Variants in ARHGAP42 observed in about 807,000 individuals in gnomAD.
ARHGAP42 encodes the protein Rho GTPase activating protein 42, also known as rho GTPase-activating protein 42.
ARHGAP42 carries 63 observed loss-of-function variants against 125.0 expected under a neutral mutation model. That is an observed-to-expected ratio of 0.50 (90% CI 0.41 to 0.62). The LOEUF (loss-of-function observed/expected upper bound fraction) is 0.62, where lower values mean the gene tolerates loss of function less well. Ranked by LOEUF, ARHGAP42 falls within the 20% of genes least tolerant of loss-of-function variation. ARHGAP42 has a pLI of 0.00. For synonymous variants in ARHGAP42, 339 were observed against 351.0 expected (o/e 0.97, Z 0.38); for missense variants, 766 against 1,024.2 (o/e 0.75, Z 3.44).
chr11:100,774,895 G>A (rs138560742), intron 2 of ARHGAP42, among the ~76,000 whole-genome samples: 8 of 152,112 alleles, frequency 5.3e-5, no homozygotes, highest in Admixed American at 1.3e-4. Flanking sequence ...TTTGTTTTGC[G>A]CCAGTGACAC....
At chr11:100,818,735 T>C (rs1464206917) in intron 3 of ARHGAP42, among the ~76,000 whole-genome samples, 2 of 152,182 alleles carry the variant, frequency 1.3e-5, no homozygotes, top group East Asian at 3.9e-4. Context: ...TTCGAAGTGG[T>C]ACGGTGTATT....
chr11:100,946,521 C>G (rs934222853), intron 10 of ARHGAP42, among the ~76,000 whole-genome samples: 7 of 151,930 alleles, frequency 4.6e-5, no homozygotes, highest in Non-Finnish European at 7.4e-5. Context: ...TCTTCCTTTC[C>G]CTTGAACACT....
At chr11:100,875,231 T>C (rs984255875) in intron 4 of ARHGAP42, among the ~76,000 whole-genome samples, 2 of 152,176 alleles carry the variant, frequency 1.3e-5, no homozygotes, top group South Asian at 2.1e-4. Context: ...TATTTTATTT[T>C]TTATTTATTT....
At chr11:100,792,884 C>T (rs1396398336) in intron 2 of ARHGAP42, among the ~76,000 whole-genome samples, 2 of 151,866 alleles carry the variant, frequency 1.3e-5, no homozygotes, top group Non-Finnish European at 1.5e-5. Flanking sequence ...TCCTGAGTAG[C>T]TGGGACTACA....
In ARHGAP42 at chr11:100,779,566, A is replaced by G. The variant is rs142891070; in HGVS notation, c.250+9128A>G. Among the ~76,000 whole-genome samples the G allele has an allele frequency of 5.1e-3, 748 of 146,542 alleles. 12 individuals are homozygous for G. The highest frequency in any genetic ancestry group is 0.017 in the African/African-American group (667 of 39,588). ...TATATATATACATATACATACGTAT[A>G]TATACGTATATATACATATATACGT... On this transcript the variant is annotated intron_variant, in intron 2 of 23. Coordinates refer to ENST00000298815, the MANE Select transcript of ARHGAP42 (RefSeq NM_152432.4).
At chr11:100,907,265 C>T (rs1281722776) in intron 4 of ARHGAP42, among the ~76,000 whole-genome samples, 2 of 152,192 alleles carry the variant, frequency 1.3e-5, no homozygotes, top group Non-Finnish European at 2.9e-5. Flanking sequence ...GCATGTTACA[C>T]TTCGGGTTTC....
intron 12 of ARHGAP42, among the ~76,000 whole-genome samples, chr11:100,957,333 C>T (rs78446507): frequency 0.039 from 5,961 of 152,074 alleles, 173 homozygotes; most frequent in East Asian, 0.11. Flanking sequence ...GCATTGAATT[C>T]GTCTTGTTCC....
chr11:100,977,091 G>T, intron 21 of ARHGAP42, 120 bp downstream of exon 21: 1 of 1,161,472 alleles, frequency 8.6e-7, no homozygotes, highest in East Asian at 2.7e-5. Context: ...TATCTGTAGA[G>T]TGGGTACAGT....
intron 4 of ARHGAP42, among the ~76,000 whole-genome samples, chr11:100,887,061 C>T (rs1866108272): frequency 6.6e-6 from 1 of 152,058 alleles, no homozygotes; most frequent in South Asian, 2.1e-4. Context: ...CAGGATGGTA[C>T]AGTAAATATT....
intron 2 of ARHGAP42, 89 bp from the exon 3 acceptor site, chr11:100,795,016 A>G: frequency 3.0e-6 from 3 of 983,700 alleles, no homozygotes. Context: ...CAAATTAATA[A>G]CCAGCTTTCT....
chr11:100,731,983 T>G (rs1327319113), intron 1 of ARHGAP42, among the ~76,000 whole-genome samples: 1 of 151,920 alleles, frequency 6.6e-6, no homozygotes, highest in African/African-American at 2.4e-5. Context: ...AGATGGAGTT[T>G]CGCTCTTGTT....
chr11:100,881,495 T>A (rs1442473720), intron 4 of ARHGAP42, among the ~76,000 whole-genome samples: 1 of 152,240 alleles, frequency 6.6e-6, no homozygotes, highest in African/African-American at 2.4e-5. Context: ...ACAGTATAGT[T>A]TGAAATCAGT....
intron 16 of ARHGAP42, 143 bp downstream of exon 16, chr11:100,962,610 C>A: frequency 1.4e-6 from 1 of 718,764 alleles, no homozygotes; most frequent in Non-Finnish European, 2.2e-6. Context: ...GGTGCGGTGG[C>A]TCAAACCTGT....
At chr11:100,962,181 A>G (rs1278927461) in intron 15 of ARHGAP42, among the ~76,000 whole-genome samples, 1 of 152,128 alleles carries the variant, frequency 6.6e-6, no homozygotes, top group African/African-American at 2.4e-5. Flanking sequence ...AGTCATGGAA[A>G]GAAGTACATT....
At chr11:100,951,195 A>G (rs962585430) in intron 12 of ARHGAP42, among the ~76,000 whole-genome samples, 4 of 152,106 alleles carry the variant, frequency 2.6e-5, no homozygotes, top group Non-Finnish European at 5.9e-5. Flanking sequence ...ATGATATAAA[A>G]GATGTTTCAA....
intron 1 of ARHGAP42, 43 bp from the exon 2 acceptor site, chr11:100,770,300 G>A: frequency 7.5e-7 from 1 of 1,327,586 alleles, no homozygotes; most frequent in Non-Finnish European, 1.0e-6. Context: ...CGGATTCAGT[G>A]GAACCTCACC....
chr11:100,839,099 T>C (rs1361892530), intron 3 of ARHGAP42, among the ~76,000 whole-genome samples: 1 of 152,164 alleles, frequency 6.6e-6, no homozygotes, highest in Non-Finnish European at 1.5e-5. Context: ...CAGCCTCGCA[T>C]CCCTTCCTGC....
intron 3 of ARHGAP42, among the ~76,000 whole-genome samples, chr11:100,826,852 C>T (rs1008072868): frequency 1.3e-5 from 2 of 151,948 alleles, no homozygotes; most frequent in African/African-American, 2.4e-5. Flanking sequence ...AAGGGAGTTA[C>T]CAGATCAAGC....
At chr11:100,714,840 G>A (rs11224404) in intron 1 of ARHGAP42, among the ~76,000 whole-genome samples, 2,070 of 151,998 alleles carry the variant, frequency 0.014, 62 homozygotes, top group African/African-American at 0.047. Flanking sequence ...GAGCCGAGGA[G>A]TTCAAGACCA....
Sources: allele counts gnomAD v4.1 joint callset (sites outside exome capture counted in the v4.1 genomes callset), GRCh38; gene constraint gnomAD v4.1.1; transcripts MANE v1.5; gene names NCBI Gene and HGNC (gene_info 2026-07-23, HGNC 2026-07-21).